The following NRG1 variants were observed in gnomAD, a reference collection of about 807,000 sequenced individuals.
NRG1 encodes pro-neuregulin-1, membrane-bound isoform.
In NRG1, 18 loss-of-function variants were observed where a neutral mutation model predicts 63.8. The observed-to-expected ratio is 0.28, with a 90% CI of 0.19 to 0.42. NRG1 has a LOEUF of 0.42. Among genes scored for constraint, NRG1 ranks in the 10% least tolerant of loss-of-function variants. The pLI is 1.00. For synonymous variants in NRG1, 302 were observed against 301.3 expected, an observed-to-expected ratio of 1.00 and a Z score of -0.02; for missense variants, 762 against 814.7, an observed-to-expected ratio of 0.94 and a Z score of 0.79.
At chr8:32,011,665 C>T (rs1010178530) in intron 1 of NRG1, among the ~76,000 whole-genome samples, 1 of 152,022 alleles carries the variant, frequency 6.6e-6, no homozygotes, top group Non-Finnish European at 1.5e-5. Context: ...TCCTGAGCAC[C>T]ACTCTCCCTC....
intron 1 of NRG1, among the ~76,000 whole-genome samples, chr8:31,645,210 G>T (rs56300124): frequency 0.21 from 31,737 of 152,090 alleles, 4,328 homozygotes; most frequent in East Asian, 0.57. Flanking sequence ...AACCTGGCTA[G>T]TTTACCCCCA....
chr8:32,680,221 T>C (rs1304807853), intron 5 of NRG1, among the ~76,000 whole-genome samples: 1 of 152,108 alleles, frequency 6.6e-6, no homozygotes, highest in Non-Finnish European at 1.5e-5. Context: ...GCACCGTGGG[T>C]GGAATGGAAA....
chr8:31,649,448 A>G (rs888495536), intron 1 of NRG1, among the ~76,000 whole-genome samples: 13 of 152,066 alleles, frequency 8.5e-5, no homozygotes, highest in African/African-American at 2.4e-5. Flanking sequence ...CAGTTTTTAT[A>G]TTGTTGTTGT....
At chr8:32,097,296 C>A (rs1035822078) in intron 1 of NRG1, among the ~76,000 whole-genome samples, 4 of 152,112 alleles carry the variant, frequency 2.6e-5, no homozygotes, top group Non-Finnish European at 2.9e-5. Flanking sequence ...ATTAGTGCAA[C>A]AATAAACATA....
chr8:32,442,590 A>C (rs1819697073), intron 1 of NRG1: 1 of 152,224 alleles, frequency 6.6e-6, no homozygotes, highest in Admixed American at 6.5e-5. Flanking sequence ...CCCTTTTTAA[A>C]AATTTTCAGA....
intron 1 of NRG1, among the ~76,000 whole-genome samples, chr8:31,890,349 A>G (rs948933880): frequency 1.4e-4 from 21 of 152,240 alleles, no homozygotes; most frequent in Non-Finnish European, 2.8e-4. Context: ...AAATCAAAGG[A>G]CAGAAATAAC....
chr8:31,660,921 G>A (rs536888346), intron 1 of NRG1, among the ~76,000 whole-genome samples: 3 of 151,886 alleles, frequency 2.0e-5, no homozygotes, highest in South Asian at 4.2e-4. Context: ...ATGTTTTATT[G>A]CTAACATTTA....
chr8:32,243,968 G>A (rs987367308), intron 1 of NRG1, among the ~76,000 whole-genome samples: 30 of 152,036 alleles, frequency 2.0e-4, no homozygotes, highest in African/African-American at 3.9e-4. Flanking sequence ...GCAGGAAATC[G>A]ACGTTCATTG....
At chr8:32,744,696 T>C (rs975669693) in intron 7 of NRG1, among the ~76,000 whole-genome samples, 10 of 152,102 alleles carry the variant, frequency 6.6e-5, no homozygotes, top group Non-Finnish European at 1.3e-4. Flanking sequence ...TTAAGAGTTT[T>C]ACTGTGCTTT....
At chr8:32,421,629 A>G (rs1563442147) in intron 1 of NRG1, among the ~76,000 whole-genome samples, 1 of 152,196 alleles carries the variant, frequency 6.6e-6, no homozygotes, top group Non-Finnish European at 1.5e-5. Context: ...TGATTCCTCT[A>G]TCTTTAGAGT....
chr8:32,532,093 A>G, intron 1 of NRG1, among the ~76,000 whole-genome samples: 1 of 152,164 alleles, frequency 6.6e-6, no homozygotes, highest in East Asian at 1.9e-4. Flanking sequence ...TTTTGTGGAG[A>G]CCACACATGC....
chr8:31,766,795 A>G (rs1818110953), intron 1 of NRG1, among the ~76,000 whole-genome samples: 1 of 152,118 alleles, frequency 6.6e-6, no homozygotes, highest in Non-Finnish European at 1.5e-5. Flanking sequence ...GAATATATTT[A>G]TGTTTATTTT....
Position 31,711,932 on chromosome 8 carries a change from C to T in NRG1, c.37+72501C>T, listed in dbSNP as rs1396960948. Reference sequence around the variant, plus strand: ...TCTGCCCACATGACCTAATCACCTCCCAAAGGTCCCATCTCCTAATACCAT... The same window carrying T: ...TCTGCCCACATGACCTAATCACCTCTCAAAGGTCCCATCTCCTAATACCAT... On this transcript the variant is annotated intron_variant, in intron 1 of 10. Coordinates refer to the NRG1 transcript ENST00000519301. Among the ~76,000 whole-genome samples the T allele has an allele frequency of 3.3e-5, 5 of 152,248 alleles. No individual in the cohort carries two copies. In the East Asian group the frequency reaches 5.8e-4, roughly 18 times the overall value.
At chr8:32,582,469 G>A (rs1253898522) in intron 1 of NRG1, among the ~76,000 whole-genome samples, 3 of 152,134 alleles carry the variant, frequency 2.0e-5, no homozygotes, top group African/African-American at 7.2e-5. Flanking sequence ...AATTCCTTAT[G>A]AGTTTGCTAT....
chr8:32,153,838 G>C (rs997467768), intron 1 of NRG1, among the ~76,000 whole-genome samples: 1 of 152,058 alleles, frequency 6.6e-6, no homozygotes, highest in Non-Finnish European at 1.5e-5. Flanking sequence ...TCCATTGGTG[G>C]AACCAAAAAA....
At chr8:31,776,961 A>G (rs1313129233) in intron 1 of NRG1, among the ~76,000 whole-genome samples, 4 of 152,188 alleles carry the variant, frequency 2.6e-5, no homozygotes, top group African/African-American at 9.7e-5. Flanking sequence ...GCTGTAAACT[A>G]GTTCAACCAT....
intron 1 of NRG1, among the ~76,000 whole-genome samples, chr8:31,927,658 C>T (rs375476634): frequency 6.0e-5 from 9 of 148,810 alleles, no homozygotes; most frequent in East Asian, 5.9e-4. Flanking sequence ...CCGTTTTAGC[C>T]GGGATGGTCT....
intron 5 of NRG1, among the ~76,000 whole-genome samples, chr8:32,637,091 C>T (rs1483687719): frequency 6.6e-6 from 1 of 151,906 alleles, no homozygotes; most frequent in African/African-American, 2.4e-5. Flanking sequence ...TTAAAAAGTT[C>T]CAGCATTTTA....
intron 1 of NRG1, among the ~76,000 whole-genome samples, chr8:32,465,946 A>G (rs527670601): frequency 6.6e-6 from 1 of 152,310 alleles, no homozygotes; most frequent in Admixed American, 6.5e-5. Context: ...CAAATACAAG[A>G]AGGATCTATC....
Sources: gnomAD v4.1 joint callset for allele counts (sites outside exome capture counted in the v4.1 genomes callset) on GRCh38, gnomAD v4.1.1 for gene constraint, MANE v1.5 for transcripts, NCBI Gene and HGNC (gene_info 2026-07-23, HGNC 2026-07-21) for gene names.